Variants in RIPK4 observed in about 807,000 individuals in gnomAD.
RIPK4 encodes receptor interacting serine/threonine kinase 4, also known as receptor-interacting serine/threonine-protein kinase 4.
RIPK4 carries 17 observed loss-of-function variants against 42.9 expected under a neutral mutation model. That is an observed-to-expected ratio of 0.40 (90% CI 0.27 to 0.59). The LOEUF (loss-of-function observed/expected upper bound fraction) is 0.59. RIPK4 is among the 20% of genes least tolerant of loss of function. The pLI is 0.47. For synonymous variants in RIPK4, 498 were observed against 499.1 expected, an observed-to-expected ratio of 1.00 and a Z score of 0.03; for missense variants, 897 against 1,104.4, an observed-to-expected ratio of 0.81 and a Z score of 2.66.
intron 3 of RIPK4, among the ~76,000 whole-genome samples, chr21:41,749,974 A>G (rs751856185): frequency 6.6e-6 from 1 of 151,986 alleles, no homozygotes; most frequent in South Asian, 2.1e-4. Context: ...AGGGCTGTTT[A>G]TAGACAACGA....
rs112292749 is a variant in RIPK4, at chr21:41,740,619, A to C, written c.*219T>G. The C allele has an allele frequency of 8.3e-3, 4,668 of 564,248 alleles. 182 individuals are homozygous for C. Among genetic ancestry groups the C allele is most frequent in the African/African-American group, 0.079 (4,163 of 52,726 alleles). The allele number at this position is 564,248 out of a possible 1,614,324, so 35.0% of individuals were successfully genotyped here. A position where few individuals can be genotyped will look rare whatever the true frequency, so the allele number is the denominator to read the frequency against. Reference sequence around the variant, plus strand: ...CGGTCCCTTCAGACAGCAGGTGCCTAGATCGATGATGGAGCGGGCATGTGC... The same window carrying C: ...CGGTCCCTTCAGACAGCAGGTGCCTCGATCGATGATGGAGCGGGCATGTGC... On this transcript the variant is annotated 3_prime_UTR_variant, in exon 8 of 8. Transcript: ENST00000332512.
Position 41,743,867 on chromosome 21 carries a change from G to T in RIPK4, c.1195+15C>A. Reference sequence around the variant, plus strand: ...AGCCCAGCATCTCTCGGGACACAGAGGCGTCCCCACTCACCGCTGGTTGAA... The same window carrying T: ...AGCCCAGCATCTCTCGGGACACAGATGCGTCCCCACTCACCGCTGGTTGAA... On this transcript the variant is annotated intron_variant, in intron 7 of 7. Transcript: ENST00000332512. 1 of 1,575,766 alleles carries T rather than the reference G, an allele frequency of 6.3e-7. No individual in the cohort carries two copies. Among genetic ancestry groups the T allele is most frequent in the Non-Finnish European group, 8.6e-7 (1 of 1,159,116 alleles).
intron 3 of RIPK4, 32 bp from the exon 4 acceptor site, chr21:41,749,235 A>C: frequency 1.9e-6 from 3 of 1,612,576 alleles, no homozygotes; most frequent in Non-Finnish European, 2.5e-6. Context: ...TTAGCATCTG[A>C]CAGCCAGAGA....
In RIPK4 at chr21:41,751,833, T is replaced by C. The variant is rs978072317; in HGVS notation, c.475-588A>G. 1.3e-5 allele frequency among the ~76,000 whole-genome samples: 2 copies of C among 152,236 alleles called. No individual in the cohort carries two copies. The highest frequency in any genetic ancestry group is 2.9e-5 in the Non-Finnish European group (2 of 68,038). Reference sequence around the variant, plus strand: ...CCCGTCCATCTGGAGTGTTTTGTGATCAGCAGACACTGGCTGGCTGCTTCA... The same window carrying C: ...CCCGTCCATCTGGAGTGTTTTGTGACCAGCAGACACTGGCTGGCTGCTTCA... On this transcript the variant is annotated intron_variant, in intron 2 of 7. Transcript: ENST00000332512. The surrounding 1 kb of genome is among the most constrained non-coding windows in gnomAD (Gnocchi z 4.5).
At chr21:41,760,005 T>C (rs1035871302) in intron 1 of RIPK4, among the ~76,000 whole-genome samples, 2 of 152,236 alleles carry the variant, frequency 1.3e-5, no homozygotes, top group East Asian at 3.9e-4. Flanking sequence ...AGAGGCAACT[T>C]CACCCCCCAA....
At chr21:41,747,670 C>T (rs149981588) in intron 4 of RIPK4, among the ~76,000 whole-genome samples, 8 of 152,306 alleles carry the variant, frequency 5.3e-5, no homozygotes, top group Non-Finnish European at 1.0e-4. Context: ...CAATAAATAT[C>T]GTTAAGTGTT....
At position 41,739,437 on chromosome 21, in the gene RIPK4, G is replaced by C. The variant is rs989759478; in HGVS notation, c.*1401C>G. The C allele has an allele frequency of 6.6e-6, 1 of 152,174 alleles. No homozygotes were observed. Among genetic ancestry groups the C allele is most frequent in the African/African-American group, 2.4e-5 (1 of 41,414 alleles). 9.4% of individuals were successfully genotyped at this position (152,174 alleles called of 1,614,324 possible). A position where few individuals can be genotyped will look rare whatever the true frequency, so the allele number is the denominator to read the frequency against. On this transcript the variant is annotated 3_prime_UTR_variant, in exon 8 of 8. Coordinates refer to ENST00000332512, the MANE Select transcript of RIPK4 (RefSeq NM_020639.3). ...AATGGAACTTCTTGTCCCTCACGCAGTCCACACAACAGTAAAGGCACAATG... is the reference window on the plus strand; with the variant it reads ...AATGGAACTTCTTGTCCCTCACGCACTCCACACAACAGTAAAGGCACAATG...
At position 41,745,635 on chromosome 21, in the gene RIPK4, G is replaced by A. The variant is rs879023725; in HGVS notation, c.936+124C>T. 60 of 700,198 alleles carry A rather than the reference G, an allele frequency of 8.6e-5. 1 individual carries two copies. Among genetic ancestry groups the A allele is most frequent in the South Asian group, 7.2e-4 (41 of 56,770 alleles). 43.4% of individuals were successfully genotyped at this position (700,198 alleles called of 1,614,324 possible). Reference sequence around the variant, plus strand: ...CTACACTTCTAATGGAGTTGGGTGCGGGATGGGCTCAGAAGAGAGGGAGAG... The same window carrying A: ...CTACACTTCTAATGGAGTTGGGTGCAGGATGGGCTCAGAAGAGAGGGAGAG... On this transcript the variant is annotated intron_variant, in intron 6 of 7. Coordinates refer to ENST00000332512, the MANE Select transcript of RIPK4 (RefSeq NM_020639.3).
At position 41,743,867 on chromosome 21, in the gene RIPK4, G is replaced by A. The variant is rs377706037; in HGVS notation, c.1195+15C>T. On this transcript the variant is annotated intron_variant, in intron 7 of 7. Coordinates refer to ENST00000332512, the MANE Select transcript of RIPK4 (RefSeq NM_020639.3). The stretch of plus-strand genomic sequence containing the variant: ...AGCCCAGCATCTCTCGGGACACAGA[G>A]GCGTCCCCACTCACCGCTGGTTGAA... 15 of 1,575,648 alleles carry A rather than the reference G, an allele frequency of 9.5e-6. No individual in the cohort carries two copies. In the African/African-American group the frequency reaches 2.0e-4, roughly 21 times the overall value.
intron 1 of RIPK4, among the ~76,000 whole-genome samples, chr21:41,758,440 C>T (rs916862192): frequency 1.2e-4 from 18 of 152,178 alleles, no homozygotes; most frequent in African/African-American, 3.6e-4. Context: ...GAATGTACTG[C>T]GTTTTGTTCA....
intron 1 of RIPK4, among the ~76,000 whole-genome samples, chr21:41,763,213 G>C: frequency 6.6e-6 from 1 of 152,184 alleles, no homozygotes; most frequent in Non-Finnish European, 1.5e-5. Flanking sequence ...GATACGGTGA[G>C]TAGCACTTAG....
At chr21:41,743,205 G>A (rs1233986542) in intron 7 of RIPK4, among the ~76,000 whole-genome samples, 1 of 152,088 alleles carries the variant, frequency 6.6e-6, no homozygotes, top group Non-Finnish European at 1.5e-5. Flanking sequence ...GCCCCTTCAG[G>A]AACAGGGCAG....
intron 4 of RIPK4, among the ~76,000 whole-genome samples, chr21:41,748,405 G>A (rs1601678194): frequency 1.3e-5 from 2 of 152,200 alleles, no homozygotes; most frequent in East Asian, 1.9e-4. Context: ...GTCCAACAAA[G>A]CTAAAAAGTC....
chr21:41,747,313 C>T (rs2061174979), intron 4 of RIPK4, among the ~76,000 whole-genome samples: 1 of 152,214 alleles, frequency 6.6e-6, no homozygotes, highest in Non-Finnish European at 1.5e-5. Flanking sequence ...AGGGCTCTTT[C>T]CCCTCAATTC....
chr21:41,747,331 G>A (rs2061175046), intron 4 of RIPK4, among the ~76,000 whole-genome samples: 1 of 152,208 alleles, frequency 6.6e-6, no homozygotes, highest in Admixed American at 6.5e-5. Flanking sequence ...TTCACCATGT[G>A]GGGCCGCACC....
chr21:41,750,662 A>G (rs1240495197), intron 3 of RIPK4, among the ~76,000 whole-genome samples: 1 of 152,040 alleles, frequency 6.6e-6, no homozygotes, highest in Non-Finnish European at 1.5e-5. Context: ...CACCCCTTCT[A>G]TGTGGACTTA....
intron 6 of RIPK4, 67 bp downstream of exon 6, chr21:41,745,692 G>T: frequency 2.5e-6 from 3 of 1,188,112 alleles, no homozygotes; most frequent in Non-Finnish European, 3.8e-6. Context: ...CTGCAAAGAG[G>T]AGTGGTTTGG....
At position 41,742,205 on chromosome 21, in the gene RIPK4, C is replaced by CGGGG. The variant is rs765602527; in HGVS notation, c.1196-209_1196-208insCCCC. Among the ~76,000 whole-genome samples, 94 of 152,184 alleles carry CGGGG rather than the reference C, an allele frequency of 6.2e-4. No individual in the cohort carries two copies. Among genetic ancestry groups the CGGGG allele is most frequent in the Non-Finnish European group, 8.8e-4 (60 of 68,030 alleles). On this transcript the variant is annotated intron_variant, in intron 7 of 7. Transcript: ENST00000332512. The surrounding 1 kb of genome is among the most constrained non-coding windows in gnomAD (Gnocchi z 5.1). ...CCCGGGGCAGGCTGGCGAATGTCTC[C>CGGGG]CAGGTGCTCGTTAGTCGGTTTGCAA...
chr21:41,744,785 G>A (rs1167458149), intron 6 of RIPK4, among the ~76,000 whole-genome samples: 1 of 152,194 alleles, frequency 6.6e-6, no homozygotes, highest in South Asian at 2.1e-4. Context: ...TGGCCTGGGG[G>A]CTGTGTGGGG....
Sources: gnomAD v4.1 joint callset for allele counts (sites outside exome capture counted in the v4.1 genomes callset) on GRCh38, gnomAD v4.1.1 for gene constraint, Gnocchi (gnomAD v3.1) non-coding constraint, MANE v1.5 for transcripts, NCBI Gene and HGNC (gene_info 2026-07-23, HGNC 2026-07-21) for gene names.